Variants in TCERG1L observed in about 807,000 individuals in gnomAD.
TCERG1L encodes transcription elongation regulator 1 like, also known as transcription elongation regulator 1-like protein.
A neutral mutation model predicts 56.3 loss-of-function variants in TCERG1L; 37 were observed. That is an observed-to-expected ratio of 0.66 (90% CI 0.51 to 0.87). The LOEUF (loss-of-function observed/expected upper bound fraction) is 0.87, where lower values mean the gene tolerates loss of function less well. Among genes scored for constraint, TCERG1L ranks in the 40% least tolerant of loss-of-function variants. The pLI, the probability that TCERG1L is intolerant of heterozygous loss-of-function variation, is 0.00. For missense variants in TCERG1L, 799 were observed against 774.2 expected, an observed-to-expected ratio of 1.03 and a Z score of -0.38; for synonymous variants, 324 against 326.3, an observed-to-expected ratio of 0.99 and a Z score of 0.08.
intron 4 of TCERG1L, among the ~76,000 whole-genome samples, chr10:131,225,240 T>C (rs1345237812): frequency 6.6e-6 from 1 of 152,188 alleles, no homozygotes; most frequent in South Asian, 2.1e-4. Context: ...AGGTTTCTTC[T>C]AGGATGGGCC....
chr10:131,093,376 A>G (rs1845202465), intron 11 of TCERG1L, 58 bp from the exon 12 acceptor site: 8 of 1,585,046 alleles, frequency 5.0e-6, no homozygotes, highest in Non-Finnish European at 6.9e-6. Flanking sequence ...GCCTCCCCAG[A>G]GATCCTGCAG....
intron 3 of TCERG1L, among the ~76,000 whole-genome samples, chr10:131,272,581 G>A (rs1483351409): frequency 6.6e-6 from 1 of 152,152 alleles, no homozygotes; most frequent in Non-Finnish European, 1.5e-5. Context: ...CCAGCCCTGT[G>A]CCTGGGGACC....
At chr10:131,099,490 C>T (rs1845283804) in intron 10 of TCERG1L, among the ~76,000 whole-genome samples, 1 of 152,198 alleles carries the variant, frequency 6.6e-6, no homozygotes, top group Admixed American at 6.5e-5. Context: ...ACATAGGATC[C>T]TATCAGGCCA....
chr10:131,233,461 CACACACACACACAG>C (rs944791637), intron 4 of TCERG1L, among the ~76,000 whole-genome samples: 9 of 151,490 alleles, frequency 5.9e-5, no homozygotes, highest in African/African-American at 2.2e-4. Context: ...CACACAGACA[CACACACACACACAG>C]ACACGCACAC....
At position 131,260,345 on chromosome 10, in the gene TCERG1L, C is replaced by T. The variant is rs147433993; in HGVS notation, c.770G>A (p.Arg257Gln). The change falls in exon 4 of 12, where the codon CGG becomes CAG. Residue 257 changes from arginine to glutamine, a missense_variant. Coordinates refer to ENST00000368642, the MANE Select transcript of TCERG1L (RefSeq NM_174937.4). The surrounding 1 kb of genome is among the most constrained non-coding windows in gnomAD (Gnocchi z 5.8). ...AMVSVDPENL[R>Q]GPSPSSVQPR... is the part of the protein sequence containing the mutation. ...CTGCACGCTGGAGGGGGACGGGCCC[C>T]GGAGGTTCTCAGGGTCCACGGAGAC... 4.5e-5 allele frequency: 66 copies of T among 1,482,026 alleles called. No homozygotes were observed. In the Admixed American group the frequency reaches 1.2e-3, roughly 26 times the overall value. 91.8% of individuals were successfully genotyped at this position (1,482,026 alleles called of 1,614,324 possible).
At chr10:131,241,540 G>A (rs112940546) in intron 4 of TCERG1L, among the ~76,000 whole-genome samples, 2 of 151,792 alleles carry the variant, frequency 1.3e-5, no homozygotes. Flanking sequence ...ACAGTGGATA[G>A]CGCAATATAA....
intron 4 of TCERG1L, among the ~76,000 whole-genome samples, chr10:131,218,276 T>C (rs74160873): frequency 6.6e-6 from 1 of 152,196 alleles, no homozygotes; most frequent in African/African-American, 2.4e-5. Flanking sequence ...AACCGATACG[T>C]GCATGACATG....
chr10:131,104,767 G>C (rs1466323737), intron 9 of TCERG1L, among the ~76,000 whole-genome samples: 1 of 152,166 alleles, frequency 6.6e-6, no homozygotes, highest in African/African-American at 2.4e-5. Flanking sequence ...TGTAATCAAA[G>C]TTTAACCTCT....
In TCERG1L at chr10:131,257,049, GAAA is replaced by G. The variant is rs1846180416; in HGVS notation, c.856+3207_856+3209del. 8.6e-5 allele frequency among the ~76,000 whole-genome samples: 12 copies of G among 140,288 alleles called. 1 individual carries two copies. The highest frequency in any genetic ancestry group is 2.9e-4 in the African/African-American group (11 of 37,490). 92.0% of individuals were successfully genotyped at this position (140,288 alleles called of 152,430 possible). A position where few individuals can be genotyped will look rare whatever the true frequency, so the allele number is the denominator to read the frequency against. Reference sequence around the variant, plus strand: ...AGAAAGAAAGAAAGAAAGAAAGAAAGAAAGAAAAGAAAGAAAGAAAAAAAAAAA... The same window carrying G: ...AGAAAGAAAGAAAGAAAGAAAGAAAGGAAAAGAAAGAAAGAAAAAAAAAAA... On this transcript the variant is annotated intron_variant, in intron 4 of 11. Transcript: ENST00000368642.
At chr10:131,290,522 T>C (rs1028001076) in intron 3 of TCERG1L, among the ~76,000 whole-genome samples, 1 of 151,108 alleles carries the variant, frequency 6.6e-6, no homozygotes, top group Non-Finnish European at 1.5e-5. Flanking sequence ...TCCAAGATAC[T>C]TGGGAGGCTG....
intron 8 of TCERG1L, among the ~76,000 whole-genome samples, chr10:131,130,192 G>A (rs953317738): frequency 1.3e-5 from 2 of 152,040 alleles, no homozygotes; most frequent in African/African-American, 4.8e-5. Flanking sequence ...GGCAGGCAAG[G>A]AGAGTGTGTG....
intron 11 of TCERG1L, 113 bp from the exon 12 acceptor site, chr10:131,093,431 C>T (rs546313396): frequency 1.4e-4 from 181 of 1,333,752 alleles, no homozygotes; most frequent in Middle Eastern, 2.2e-4. Context: ...CAGGCCTGGC[C>T]GTGGGTGGCA....
At chr10:131,199,055 C>T (rs2918138) in intron 4 of TCERG1L, among the ~76,000 whole-genome samples, 64,490 of 152,038 alleles carry the variant, frequency 0.42, 16,042 homozygotes, top group South Asian at 0.62. Flanking sequence ...CTCATGGGCA[C>T]CCTGGGCCCC....
chr10:131,170,744 C>T (rs1280299164), intron 4 of TCERG1L, among the ~76,000 whole-genome samples: 2 of 152,194 alleles, frequency 1.3e-5, no homozygotes, highest in African/African-American at 4.8e-5. Flanking sequence ...CAATTAGACA[C>T]TCCTCTCCTC....
chr10:131,224,068 G>C (rs1845764700), intron 4 of TCERG1L, among the ~76,000 whole-genome samples: 1 of 152,052 alleles, frequency 6.6e-6, no homozygotes, highest in African/African-American at 2.4e-5. Context: ...TTTAGGGCCT[G>C]AATTCCAGTC....
At chr10:131,224,256 C>T (rs533547992) in intron 4 of TCERG1L, among the ~76,000 whole-genome samples, 17 of 152,150 alleles carry the variant, frequency 1.1e-4, no homozygotes, top group Admixed American at 2.0e-4. Context: ...CTGCCCCACA[C>T]GCCTTTCCAG....
intron 3 of TCERG1L, among the ~76,000 whole-genome samples, chr10:131,265,537 T>C (rs749718159): frequency 2.6e-5 from 4 of 152,210 alleles, no homozygotes; most frequent in South Asian, 2.1e-4. Flanking sequence ...ACCATCGGAA[T>C]TGAGTACCAG....
chr10:131,138,675 CAT>C, intron 7 of TCERG1L, among the ~76,000 whole-genome samples: 1 of 152,234 alleles, frequency 6.6e-6, no homozygotes, highest in African/African-American at 2.4e-5. Flanking sequence ...TTGAAGAAAA[CAT>C]AAGGGGAAAA....
At chr10:131,174,202 G>T (rs937360939) in intron 4 of TCERG1L, among the ~76,000 whole-genome samples, 2 of 152,190 alleles carry the variant, frequency 1.3e-5, no homozygotes, top group Non-Finnish European at 2.9e-5. Context: ...GCCTGCTGCC[G>T]CCTCAGGAGG....
Sources: allele counts gnomAD v4.1 joint callset (sites outside exome capture counted in the v4.1 genomes callset), GRCh38; gene constraint gnomAD v4.1.1; non-coding constraint Gnocchi (gnomAD v3.1); transcripts MANE v1.5; gene names NCBI Gene and HGNC (gene_info 2026-07-23, HGNC 2026-07-21).